UNC5C: variants seen among roughly 807,000 people sequenced by gnomAD.
UNC5C encodes netrin receptor UNC5C.
UNC5C carries 47 observed loss-of-function variants against 99.8 expected under a neutral mutation model. That is an observed-to-expected ratio of 0.47 (90% CI 0.37 to 0.60). The LOEUF (loss-of-function observed/expected upper bound fraction) is 0.60, where lower values mean the gene tolerates loss of function less well. Among genes scored for constraint, UNC5C ranks in the 20% least tolerant of loss-of-function variants. The pLI, the probability that UNC5C is intolerant of heterozygous loss-of-function variation, is 0.00. For missense variants in UNC5C, 1,062 were observed against 1,165.9 expected (o/e 0.91, Z 1.30); for synonymous variants, 487 against 452.2 (o/e 1.08, Z -0.98).
intron 1 of UNC5C, among the ~76,000 whole-genome samples, chr4:95,482,334 G>T (rs1449924618): frequency 6.6e-6 from 1 of 151,374 alleles, no homozygotes; most frequent in African/African-American, 2.4e-5. Context: ...AGTTAGAATG[G>T]CAGTCATTAA....
At chr4:95,351,235 A>G (rs895128304) in intron 1 of UNC5C, among the ~76,000 whole-genome samples, 9 of 151,576 alleles carry the variant, frequency 5.9e-5, no homozygotes, top group African/African-American at 2.2e-4. Flanking sequence ...ATGAGATGGC[A>G]TGTTCAGAGG....
intron 7 of UNC5C, among the ~76,000 whole-genome samples, chr4:95,238,078 A>G (rs1739190342): frequency 6.6e-6 from 1 of 152,108 alleles, no homozygotes. Context: ...CTACATACTC[A>G]ACAATACTGT....
chr4:95,278,117 TG>T (rs2149394062), intron 4 of UNC5C, 141 bp downstream of exon 4: 1 of 660,638 alleles, frequency 1.5e-6, no homozygotes, highest in South Asian at 1.9e-5. Flanking sequence ...CAATCTATTT[TG>T]CCAGCAGCAG....
intron 1 of UNC5C, among the ~76,000 whole-genome samples, chr4:95,437,864 T>G (rs1388492111): frequency 6.6e-6 from 1 of 151,930 alleles, no homozygotes; most frequent in Non-Finnish European, 1.5e-5. Context: ...TAAAATAGAG[T>G]GGTAGGATCT....
intron 1 of UNC5C, among the ~76,000 whole-genome samples, chr4:95,486,701 GA>G (rs1721338704): frequency 6.6e-6 from 1 of 151,410 alleles, no homozygotes; most frequent in Non-Finnish European, 1.5e-5. Context: ...TCTTCTTCCA[GA>G]AAAACATCCT....
chr4:95,338,666 T>C (rs745874574), intron 1 of UNC5C, among the ~76,000 whole-genome samples: 1 of 152,078 alleles, frequency 6.6e-6, no homozygotes, highest in Non-Finnish European at 1.5e-5. Flanking sequence ...TATATTGATT[T>C]CATTTTCATT....
At chr4:95,331,616 TC>T (rs1743116262) in intron 2 of UNC5C, among the ~76,000 whole-genome samples, 1 of 152,166 alleles carries the variant, frequency 6.6e-6, no homozygotes, top group Non-Finnish European at 1.5e-5. Context: ...CTAAATCTTC[TC>T]TTAGTTCTCA....
intron 1 of UNC5C, among the ~76,000 whole-genome samples, chr4:95,524,119 C>G (rs1001512239): frequency 2.0e-5 from 3 of 152,118 alleles, no homozygotes; most frequent in Admixed American, 1.3e-4. Flanking sequence ...TTGAAAAACT[C>G]TATAGATTTT....
chr4:95,200,629 C>T (rs920751207), intron 12 of UNC5C, among the ~76,000 whole-genome samples: 3 of 152,128 alleles, frequency 2.0e-5, no homozygotes, highest in African/African-American at 7.2e-5. Context: ...TCTCAGTCAT[C>T]TTGATTATTT....
chr4:95,317,526 A>G (rs76244500), intron 2 of UNC5C, among the ~76,000 whole-genome samples: 5,794 of 152,250 alleles, frequency 0.038, 154 homozygotes, highest in Non-Finnish European at 0.056. Context: ...TGGCTTTGGC[A>G]ACAATGTGGA....
At chr4:95,468,166 T>C (rs1469159532) in intron 1 of UNC5C, among the ~76,000 whole-genome samples, 1 of 151,942 alleles carries the variant, frequency 6.6e-6, no homozygotes, top group Non-Finnish European at 1.5e-5. Context: ...TTTAAAACTT[T>C]TGTATAAAGT....
At chr4:95,441,442 T>G (rs554160710) in intron 1 of UNC5C, among the ~76,000 whole-genome samples, 1 of 152,336 alleles carries the variant, frequency 6.6e-6, no homozygotes, top group Admixed American at 6.5e-5. Flanking sequence ...ACTCTGTGAT[T>G]ATCAGTGAAA....
At chr4:95,206,604 A>C (rs762511505) in intron 11 of UNC5C, 24 bp downstream of exon 11, 4 of 1,613,800 alleles carry the variant, frequency 2.5e-6, no homozygotes, top group Non-Finnish European at 3.4e-6. Flanking sequence ...CTTGCATAGC[A>C]TCTTTATCCC....
intron 1 of UNC5C, among the ~76,000 whole-genome samples, chr4:95,420,488 T>C (rs1006431669): frequency 3.3e-5 from 5 of 152,210 alleles, no homozygotes; most frequent in African/African-American, 1.2e-4. Context: ...TATGTCCCAA[T>C]AAAACCTTAT....
At chr4:95,534,372 T>C (rs1226226745) in intron 1 of UNC5C, among the ~76,000 whole-genome samples, 1 of 152,202 alleles carries the variant, frequency 6.6e-6, no homozygotes, top group African/African-American at 2.4e-5. Context: ...GTTGACACAT[T>C]CTGAAGATAA....
rs1274789806 is a variant in UNC5C at position 95,354,481 on chromosome 4, T to TATATATATATATATATA, written c.125-18851_125-18850insTATATATATATATATAT. ...ACCTAACTCTTCCATATATATATAT[T>TATATATATATATATATA]TTTTTTTTTTTTTTAAGAGACAGGG... is the stretch of plus-strand genomic sequence containing the variant. On this transcript the variant is annotated intron_variant, in intron 1 of 15. Coordinates refer to ENST00000453304, the MANE Select transcript of UNC5C (RefSeq NM_003728.4). Among the ~76,000 whole-genome samples, 946 of 99,540 alleles carry TATATATATATATATATA rather than the reference T, an allele frequency of 9.5e-3. 15 individuals carry two copies. The highest frequency in any genetic ancestry group is 0.016 in the African/African-American group (351 of 22,566). 65.3% of individuals were successfully genotyped at this position (99,540 alleles called of 152,430 possible).
At chr4:95,333,436 T>C (rs1299466571) in intron 2 of UNC5C, among the ~76,000 whole-genome samples, 2 of 151,934 alleles carry the variant, frequency 1.3e-5, no homozygotes, top group African/African-American at 2.4e-5. Flanking sequence ...ATGGATGAAA[T>C]TGGAAATCAT....
chr4:95,374,876 C>T (rs112876575), intron 1 of UNC5C, among the ~76,000 whole-genome samples: 12 of 152,058 alleles, frequency 7.9e-5, no homozygotes, highest in African/African-American at 2.4e-4. Flanking sequence ...GAAAAATTTA[C>T]AGTACTGACT....
At chr4:95,351,650 ACTC>A (rs1743995019) in intron 1 of UNC5C, among the ~76,000 whole-genome samples, 1 of 151,856 alleles carries the variant, frequency 6.6e-6, no homozygotes, top group African/African-American at 2.4e-5. Context: ...ATGCCACTGA[ACTC>A]CTACTGGGTT....
Sources: allele counts gnomAD v4.1 joint callset (sites outside exome capture counted in the v4.1 genomes callset), GRCh38; gene constraint gnomAD v4.1.1; transcripts MANE v1.5; gene names NCBI Gene and HGNC (gene_info 2026-07-23, HGNC 2026-07-21).